Variants in LARP1B observed in about 807,000 individuals in gnomAD.
The protein encoded by LARP1B is la-related protein 1B.
In LARP1B, 76 loss-of-function variants were observed where a neutral mutation model predicts 114.2. The ratio of observed to expected loss-of-function variants is 0.67; its 90% confidence interval spans 0.55 to 0.81. LARP1B has a LOEUF of 0.81. Ranked by LOEUF, LARP1B falls within the 30% of genes least tolerant of loss-of-function variation. The pLI is 0.00. For synonymous variants in LARP1B, 345 were observed against 348.0 expected (o/e 0.99, Z 0.10); for missense variants, 1,014 against 1,075.8 (o/e 0.94, Z 0.80).
rs11311661 is a variant in LARP1B, at chr4:128,095,489, C to CA, written c.669-2675dup. The stretch of plus-strand genomic sequence containing the variant: ...GGGCAATAAGAGTGAAACTCCATCT[C>CA]AAAAAAAAAAAAAAAAAAAAAAGTA... On this transcript the variant is annotated intron_variant, in intron 7 of 19. Transcript: ENST00000326639. Among the ~76,000 whole-genome samples, 26 of 61,220 alleles carry CA rather than the reference C, an allele frequency of 4.2e-4. 1 individual carries two copies. The highest frequency in any genetic ancestry group is 8.0e-4 in the East Asian group (2 of 2,500). 40.2% of individuals were successfully genotyped at this position (61,220 alleles called of 152,430 possible).
chr4:128,156,521 C>A (rs1156583711), intron 11 of LARP1B, among the ~76,000 whole-genome samples: 1 of 152,118 alleles, frequency 6.6e-6, no homozygotes, highest in Non-Finnish European at 1.5e-5. Context: ...GGAGCCCTAA[C>A]CCCTTCCAGA....
intron 15 of LARP1B, among the ~76,000 whole-genome samples, chr4:128,185,860 G>A (rs1561524659): frequency 6.6e-6 from 1 of 152,068 alleles, no homozygotes; most frequent in African/African-American, 2.4e-5. Context: ...TTGGCTTTTT[G>A]TAGAGAGGGG....
chr4:128,065,808 A>G (rs2149287345), intron 1 of LARP1B, among the ~76,000 whole-genome samples: 1 of 152,190 alleles, frequency 6.6e-6, no homozygotes, highest in Admixed American at 6.5e-5. Flanking sequence ...ATTCATTTAA[A>G]TAAATACATT....
At chr4:128,175,807 T>C (rs1745622453) in intron 12 of LARP1B, among the ~76,000 whole-genome samples, 1 of 152,072 alleles carries the variant, frequency 6.6e-6, no homozygotes, top group Admixed American at 6.6e-5. Context: ...TCTTGTGTCC[T>C]TTGATTTATG....
In LARP1B at chr4:128,209,504, C is replaced by T. The variant is rs7694045; in HGVS notation, c.2548-352C>T. On this transcript the variant is annotated intron_variant, in intron 19 of 19. Coordinates refer to ENST00000326639, the MANE Select transcript of LARP1B (RefSeq NM_018078.4). The stretch of plus-strand genomic sequence containing the variant: ...CGTCTCAAAAACAAAAAACAAAAAC[C>T]ACAAACATATGTTGAGTAAAAGAAT... 3.0e-3 allele frequency among the ~76,000 whole-genome samples: 456 copies of T among 152,050 alleles called. 4 individuals carry two copies. The highest frequency in any genetic ancestry group is 0.011 in the African/African-American group (438 of 41,478).
intron 19 of LARP1B, among the ~76,000 whole-genome samples, chr4:128,208,343 AG>A (rs1408773064): frequency 6.6e-6 from 1 of 151,456 alleles, no homozygotes; most frequent in Non-Finnish European, 1.5e-5. Flanking sequence ...AAAAAAAAAA[AG>A]GGAAGAAGAA....
intron 1 of LARP1B, among the ~76,000 whole-genome samples, chr4:128,074,157 C>G (rs1219898352): frequency 6.6e-6 from 1 of 151,868 alleles, no homozygotes; most frequent in Non-Finnish European, 1.5e-5. Context: ...TCAGGCCGGT[C>G]TCGAACTCCT....
intron 11 of LARP1B, among the ~76,000 whole-genome samples, chr4:128,132,921 G>T (rs558785183): frequency 6.6e-6 from 1 of 151,994 alleles, no homozygotes; most frequent in Admixed American, 6.6e-5. Context: ...CCATCTGGGG[G>T]TGATGGGAGA....
chr4:128,084,619 A>G (rs1580071515), intron 5 of LARP1B, among the ~76,000 whole-genome samples: 1 of 151,366 alleles, frequency 6.6e-6, no homozygotes, highest in South Asian at 2.1e-4. Flanking sequence ...ACCGAGAGGG[A>G]GAGGGGAGAG....
intron 9 of LARP1B, among the ~76,000 whole-genome samples, chr4:128,112,466 A>ATTTTTTTTTTTTTT (rs1174266918): frequency 2.9e-5 from 2 of 69,322 alleles, no homozygotes; most frequent in Non-Finnish European, 4.9e-5. Context: ...TGCTTACTCT[A>ATTTTTTTTTTTTTT]TTTTTTTTTT....
At chr4:128,114,015 CTT>C (rs1784991512) in intron 9 of LARP1B, among the ~76,000 whole-genome samples, 1 of 152,098 alleles carries the variant, frequency 6.6e-6, no homozygotes, top group Non-Finnish European at 1.5e-5. Context: ...ACACTTCACT[CTT>C]TAAAGTATTT....
chr4:128,177,010 A>G (rs1197270452), intron 13 of LARP1B, 103 bp downstream of exon 13: 1 of 1,018,140 alleles, frequency 9.8e-7, no homozygotes, highest in African/African-American at 1.6e-5. Flanking sequence ...AAAGCATATG[A>G]AAAGATATGG....
chr4:128,137,816 CAG>C (rs1726137299), intron 11 of LARP1B, among the ~76,000 whole-genome samples: 2 of 146,154 alleles, frequency 1.4e-5, no homozygotes, highest in South Asian at 2.1e-4. Flanking sequence ...GGGTTGGTGA[CAG>C]AGTTTTGCTT....
chr4:128,214,487 C>G (rs1409303708), downstream of LARP1B, among the ~76,000 whole-genome samples: 2 of 151,968 alleles, frequency 1.3e-5, no homozygotes, highest in African/African-American at 4.8e-5. Flanking sequence ...TCAAGTGGGT[C>G]CCTGACCCCT....
intron 11 of LARP1B, among the ~76,000 whole-genome samples, chr4:128,134,485 A>G (rs1420318418): frequency 2.6e-5 from 4 of 152,230 alleles, no homozygotes; most frequent in Non-Finnish European, 4.4e-5. Flanking sequence ...ACATAAAATT[A>G]TAGAACATTT....
rs112118596 is a variant in LARP1B, at chr4:128,090,365, G to A, written c.359-636G>A. Reference sequence around the variant, plus strand: ...TGGGATTGCCGGCCTGAGCCACCGCGCCCGGCCTTGTATGATTATTGACCC... The same window carrying A: ...TGGGATTGCCGGCCTGAGCCACCGCACCCGGCCTTGTATGATTATTGACCC... On this transcript the variant is annotated intron_variant, in intron 5 of 19. Transcript: ENST00000326639. Among the ~76,000 whole-genome samples, 1,026 of 152,228 alleles carry A rather than the reference G, an allele frequency of 6.7e-3. 4 individuals are homozygous for A. Among genetic ancestry groups the A allele is most frequent in the Non-Finnish European group, 0.011 (759 of 67,994 alleles).
intron 3 of LARP1B, among the ~76,000 whole-genome samples, chr4:128,076,965 G>A (rs1768177107): frequency 2.6e-5 from 4 of 152,058 alleles, no homozygotes; most frequent in Admixed American, 2.0e-4. Context: ...GAGCTCAAGT[G>A]ATCTACCTGC....
At chr4:128,155,462 C>A in intron 11 of LARP1B, 1 of 752,024 alleles carries the variant, frequency 1.3e-6, no homozygotes, top group Admixed American at 1.8e-5. Context: ...CGCAGCCCCC[C>A]GGCCGCAGTG....
At chr4:128,179,742 C>G (rs1207425137) in intron 15 of LARP1B, among the ~76,000 whole-genome samples, 1 of 151,956 alleles carries the variant, frequency 6.6e-6, no homozygotes, top group East Asian at 1.9e-4. Flanking sequence ...CAAATGTGAA[C>G]TCTTAGATTT....
Sources: gnomAD v4.1 joint callset for allele counts (sites outside exome capture counted in the v4.1 genomes callset) on GRCh38, gnomAD v4.1.1 for gene constraint, MANE v1.5 for transcripts, NCBI Gene and HGNC (gene_info 2026-07-23, HGNC 2026-07-21) for gene names.